DGAT2L6: variants seen among roughly 807,000 people sequenced by gnomAD.
The protein encoded by DGAT2L6 is diacylglycerol O-acyltransferase 2-like protein 6.
A neutral mutation model predicts 25.5 loss-of-function variants in DGAT2L6; 22 were observed. That is an observed-to-expected ratio of 0.86 (90% confidence interval 0.62 to 1.23). The LOEUF is 1.23. Among genes scored for constraint, DGAT2L6 ranks in the 50% most tolerant of loss-of-function variants. The pLI, the probability that DGAT2L6 is intolerant of heterozygous loss-of-function variation, is 0.00. For missense variants in DGAT2L6, 287 were observed against 253.2 expected, an observed-to-expected ratio of 1.13 and a Z score of -0.91; for synonymous variants, 100 against 94.7, an observed-to-expected ratio of 1.06 and a Z score of -0.32.
intron 1 of DGAT2L6, among the ~76,000 whole-genome samples, chrX:70,190,243 T>A (rs775032126): frequency 8.9e-6 from 1 of 112,041 alleles, no homozygotes; most frequent in Admixed American, 9.4e-5. Flanking sequence ...TGTGGCAAAA[T>A]GAATCTTGAC....
chrX:70,202,783 T>G (rs1423403565), intron 5 of DGAT2L6, among the ~76,000 whole-genome samples: 1 of 111,591 alleles, frequency 9.0e-6, no homozygotes, highest in East Asian at 2.8e-4. Flanking sequence ...TCAGCCAGGA[T>G]GATCCTGTTA....
At chrX:70,178,657 T>C (rs1185710733) in intron 1 of DGAT2L6, among the ~76,000 whole-genome samples, 2 of 111,477 alleles carry the variant, frequency 1.8e-5, no homozygotes, top group South Asian at 3.8e-4. Flanking sequence ...TGGGAGGCTA[T>C]ATGACCCTTA....
intron 1 of DGAT2L6, 148 bp downstream of exon 1, chrX:70,177,815 T>C (rs1209188300): frequency 2.1e-6 from 1 of 469,427 alleles, no homozygotes; most frequent in Non-Finnish European, 3.5e-6. Context: ...GGAGTGAGGC[T>C]GCAGCTGTTC....
At chrX:70,183,306 A>C (rs1046047168) in intron 1 of DGAT2L6, among the ~76,000 whole-genome samples, 1 of 110,488 alleles carries the variant, frequency 9.1e-6, no homozygotes, top group East Asian at 2.9e-4. Flanking sequence ...GTACTCTCCC[A>C]CTCCTTCACC....
intron 1 of DGAT2L6, among the ~76,000 whole-genome samples, chrX:70,178,187 A>G (rs1347285094): frequency 2.7e-5 from 3 of 109,504 alleles, no homozygotes; most frequent in African/African-American, 3.3e-5. Flanking sequence ...GCTGTCCCCT[A>G]TGAACTAGCT....
chrX:70,191,815 T>A (rs757474137), intron 1 of DGAT2L6, among the ~76,000 whole-genome samples: 6 of 112,178 alleles, frequency 5.3e-5, no homozygotes, highest in Non-Finnish European at 9.4e-5. Flanking sequence ...GGGAACCTCA[T>A]CAGCAAACTT....
intron 1 of DGAT2L6, among the ~76,000 whole-genome samples, chrX:70,190,231 T>C (rs1171932627): frequency 8.9e-6 from 1 of 112,185 alleles, no homozygotes; most frequent in Non-Finnish European, 1.9e-5. Context: ...TTGATGTCCA[T>C]ATGTGGCAAA....
intron 1 of DGAT2L6, among the ~76,000 whole-genome samples, chrX:70,178,374 T>C (rs2085333234): frequency 9.0e-6 from 1 of 110,945 alleles, no homozygotes; most frequent in Non-Finnish European, 1.9e-5. Flanking sequence ...AGTTGTTCTG[T>C]GGACTCACAG....
At chrX:70,187,794 T>A (rs2085363924) in intron 1 of DGAT2L6, among the ~76,000 whole-genome samples, 1 of 111,888 alleles carries the variant, frequency 8.9e-6, no homozygotes, top group Non-Finnish European at 1.9e-5. Flanking sequence ...ATAGAATAAT[T>A]TGAAAGATAT....
At position 70,204,361 on chromosome X, in the gene DGAT2L6, C is replaced by A. The variant is rs1295384544; in HGVS notation, c.704C>A (p.Thr235Asn). The change falls in exon 6 of 7, where the codon ACC (threonine) becomes AAC (asparagine). Residue 235 changes from threonine (T) to asparagine (N), a missense_variant. Physicochemically the swap from Thr to Asn is moderately conservative, Grantham distance 65. Coordinates refer to ENST00000333026, the MANE Select transcript of DGAT2L6 (RefSeq NM_198512.3). Reference sequence around the variant, plus strand: ...GAGAACGAAGTTTTCAATCAGGAGACCTTCCCTGAGGGCACGTGGTTAAGG... The same window carrying A: ...GAGAACGAAGTTTTCAATCAGGAGAACTTCCCTGAGGGCACGTGGTTAAGG... ...FGENEVFNQETFPEGTWLRLF... is the reference protein window; with the variant it reads ...FGENEVFNQENFPEGTWLRLF... 6 of 1,208,629 alleles carry A rather than the reference C, an allele frequency of 5.0e-6. No individual in the cohort carries two copies. Among genetic ancestry groups the A allele is most frequent in the South Asian group, 1.8e-5 (1 of 56,516 alleles).
At position 70,199,374 on chromosome X, in the gene DGAT2L6, C is replaced by T. The variant is rs192002540; in HGVS notation, c.189C>T (p.His63=). Residue 63 remains histidine (H), a synonymous_variant, in exon 2 of 7, where the codon CAC becomes CAT. Coordinates refer to ENST00000333026, the MANE Select transcript of DGAT2L6 (RefSeq NM_198512.3). ...LAWLTYDWNT[H]SQGGRRSAWV... is the part of the protein sequence containing the mutation. The stretch of plus-strand genomic sequence containing the variant: ...GGCTCACCTATGATTGGAACACCCA[C>T]AGTCAAGGTAAGAGACAGGGGCACA... The T allele has an allele frequency of 3.3e-4, 386 of 1,173,222 alleles. 2 individuals carry two copies. The East Asian group carries it at 0.01, about 32-fold the overall frequency.
In DGAT2L6 at chrX:70,201,933, C is replaced by T. The variant is rs778818580; in HGVS notation, c.516C>T (p.Thr172=). The T allele has an allele frequency of 2.5e-5, 30 of 1,203,698 alleles. No homozygotes were observed. The South Asian group carries it at 5.2e-4, about 21-fold the overall frequency. ...GCTCAGCCTTGAAGTACTTGCTGACCCAGAAAGGCTCAGGCAATGCCGTGG... is the reference window on the plus strand; with the variant it reads ...GCTCAGCCTTGAAGTACTTGCTGACTCAGAAAGGCTCAGGCAATGCCGTGG... ...VSSSALKYLL[T]QKGSGNAVVI... The change falls in exon 5 of 7, where the codon ACC becomes ACT. Residue 172 remains threonine, a synonymous_variant. Transcript: ENST00000333026.
chrX:70,193,453 C>T (rs2085381401), intron 1 of DGAT2L6, among the ~76,000 whole-genome samples: 2 of 111,230 alleles, frequency 1.8e-5, no homozygotes, highest in African/African-American at 3.3e-5. Flanking sequence ...CAGAAAAGAA[C>T]ATTACAGGCC....
rs547764794 is a variant in DGAT2L6 at position 70,194,240 on chromosome X, G to A, written c.86-5031G>A. ...AAACTGTAAGACATTGAAAAAAATC[G>A]AAGAAGCCACAAATAAGTTGAAAGA... is the stretch of plus-strand genomic sequence containing the variant. On this transcript the variant is annotated intron_variant, in intron 1 of 6. Coordinates refer to ENST00000333026, the MANE Select transcript of DGAT2L6 (RefSeq NM_198512.3). 2.0e-4 allele frequency among the ~76,000 whole-genome samples: 22 copies of A among 111,326 alleles called. No individual in the cohort carries two copies. In the South Asian group the frequency reaches 6.8e-3, roughly 34 times the overall value.
At position 70,205,062 on chromosome X, in the gene DGAT2L6, G is replaced by T; in HGVS notation, c.970G>T (p.Val324Phe). Reference sequence around the variant, plus strand: ...GCGCAAGCTCTTTGACCAACACAAAGTTGAATATGGCCTCCCTGAGACCCA... The same window carrying T: ...GCGCAAGCTCTTTGACCAACACAAATTTGAATATGGCCTCCCTGAGACCCA... Reference protein sequence around the residue: ...ALRKLFDQHKVEYGLPETQEL... With the variant: ...ALRKLFDQHKFEYGLPETQEL... Residue 324 changes from valine (V) to phenylalanine (F), a missense_variant, in exon 7 of 7, where the codon GTT becomes TTT. By Grantham distance (50) the Val-to-Phe change is conservative. Transcript: ENST00000333026. 1 of 1,203,665 alleles carries T rather than the reference G, an allele frequency of 8.3e-7. No individual in the cohort carries two copies. Among genetic ancestry groups the T allele is most frequent in the Non-Finnish European group, 1.1e-6 (1 of 892,427 alleles).
chrX:70,185,776 G>C (rs765160776), intron 1 of DGAT2L6, among the ~76,000 whole-genome samples: 2 of 109,921 alleles, frequency 1.8e-5, no homozygotes, highest in Non-Finnish European at 3.8e-5. Context: ...ACTCCTACAA[G>C]TTCTTATATT....
At chrX:70,191,029 C>A (rs1210270453) in intron 1 of DGAT2L6, among the ~76,000 whole-genome samples, 1 of 112,448 alleles carries the variant, frequency 8.9e-6, no homozygotes, top group Non-Finnish European at 1.9e-5. Flanking sequence ...GAAGCCCCCC[C>A]ATAAACCTGC....
intron 1 of DGAT2L6, among the ~76,000 whole-genome samples, chrX:70,182,469 C>CCTTTTT (rs2085346183): frequency 2.0e-5 from 1 of 49,137 alleles, no homozygotes; most frequent in African/African-American, 1.0e-4. Flanking sequence ...TCAAAAGCAT[C>CCTTTTT]TTTTTTTTTT....
At chrX:70,183,778 C>A (rs2085351087) in intron 1 of DGAT2L6, among the ~76,000 whole-genome samples, 1 of 110,646 alleles carries the variant, frequency 9.0e-6, no homozygotes, top group Non-Finnish European at 1.9e-5. Context: ...TGCCTGTAAT[C>A]CAAATATTTT....
Sources: allele counts gnomAD v4.1 joint callset (sites outside exome capture counted in the v4.1 genomes callset), GRCh38; gene constraint gnomAD v4.1.1; transcripts MANE v1.5; gene names NCBI Gene and HGNC (gene_info 2026-07-23, HGNC 2026-07-21).